FHDC1: variants seen among roughly 807,000 people sequenced by gnomAD.
The protein encoded by FHDC1 is FH2 domain containing 1, also known as FH2 domain-containing protein 1.
A neutral mutation model predicts 52.6 loss-of-function variants in FHDC1; 25 were observed. The observed-to-expected ratio is 0.48, with a 90% CI of 0.35 to 0.66. The LOEUF (loss-of-function observed/expected upper bound fraction) is 0.66. FHDC1 is among the 30% of genes least tolerant of loss of function. The pLI is 0.01. For synonymous variants in FHDC1, 616 were observed against 581.5 expected, an observed-to-expected ratio of 1.06 and a Z score of -0.85; for missense variants, 1,459 against 1,452.8, an observed-to-expected ratio of 1.00 and a Z score of -0.07.
At chr4:152,929,509 G>A in the FHDC1 span, among the ~76,000 whole-genome samples, 199 of 152,328 alleles carry the variant, frequency 1.3e-3, no homozygotes, top group African/African-American at 4.3e-3. This position sits in a 1 kb window ranked among gnomAD's most constrained non-coding sequence, Gnocchi z 4.1. Flanking sequence ...CAACGACGCA[G>A]TTTCCAGCTT....
At chr4:152,957,149 G>A (rs1283475219) in intron 4 of FHDC1, among the ~76,000 whole-genome samples, 1 of 152,176 alleles carries the variant, frequency 6.6e-6, no homozygotes, top group African/African-American at 2.4e-5. Context: ...GCAGAAATAT[G>A]CTAATAAATT....
Position 152,978,030 on chromosome 4 carries a change from G to A in FHDC1, c.*1307G>A, listed in dbSNP as rs1740954014. 1 of 152,242 alleles carries A rather than the reference G, an allele frequency of 6.6e-6. No individual in the cohort carries two copies. Among genetic ancestry groups the A allele is most frequent in the Non-Finnish European group, 1.5e-5 (1 of 68,048 alleles). The allele number at this position is 152,242 out of a possible 1,614,324, so 9.4% of individuals were successfully genotyped here. A position where few individuals can be genotyped will look rare whatever the true frequency, so the allele number is the denominator to read the frequency against. On this transcript the variant is annotated 3_prime_UTR_variant, in exon 12 of 12. Transcript: ENST00000511601. ...GCGCGCATTGTGAGCAGTGGAGTATGAGCCTTGAGGGCCTCATGGTTGCAG... is the reference window on the plus strand; with the variant it reads ...GCGCGCATTGTGAGCAGTGGAGTATAAGCCTTGAGGGCCTCATGGTTGCAG...
chr4:152,941,801 A>T (rs62320604), intron 1 of FHDC1, among the ~76,000 whole-genome samples: 7,371 of 152,232 alleles, frequency 0.048, 228 homozygotes, highest in South Asian at 0.11. Flanking sequence ...TGTAAAAAGA[A>T]AATTACACCC....
chr4:152,973,852 T>A (rs116676231), intron 11 of FHDC1, among the ~76,000 whole-genome samples: 1 of 152,256 alleles, frequency 6.6e-6, no homozygotes, highest in Non-Finnish European at 1.5e-5. Context: ...TGCTTTGGTA[T>A]GTGAGCTTGC....
At chr4:152,920,853 T>A in the FHDC1 span, among the ~76,000 whole-genome samples, 179 of 147,914 alleles carry the variant, frequency 1.2e-3, no homozygotes, top group African/African-American at 3.3e-3. Context: ...AGTGTCTTTT[T>A]AAAAAAAAAA....
intron 2 of FHDC1, among the ~76,000 whole-genome samples, chr4:152,946,171 A>G (rs1010328564): frequency 3.3e-5 from 5 of 152,360 alleles, no homozygotes; most frequent in African/African-American, 9.6e-5. Flanking sequence ...TTTGTGAATA[A>G]TGCCGCTGTG....
In FHDC1 at chr4:152,976,051, A is replaced by T; in HGVS notation, c.2760A>T (p.Pro920=). ...GCAGAGGCGCCGGCTGGAGGCGACC[A>T]GAGCTGTCATCCCGGGGGCCCTCCC... ...KSSRGAGWRR[P]ELSSRGPSQN... Residue 920 remains proline, a synonymous_variant, in exon 12 of 12, where the codon CCA becomes CCT. Coordinates refer to ENST00000511601, the MANE Select transcript of FHDC1 (RefSeq NM_001371116.1). 1.9e-6 allele frequency: 3 copies of T among 1,589,014 alleles called. No individual in the cohort carries two copies. Among genetic ancestry groups the T allele is most frequent in the Non-Finnish European group, 2.6e-6 (3 of 1,169,984 alleles).
Position 152,943,154 on chromosome 4 carries a change from GCACCTCCTC to G in FHDC1, c.108_116del (p.Pro41_Pro43del), listed in dbSNP as rs753292740. On this transcript the variant is annotated inframe_deletion, in exon 2 of 12. Transcript: ENST00000511601. ...CATGATTGGGCAGACACCTCCTCCA[GCACCTCCTC>G]CACCTCCTCCTCCACCCCCTCCATC... 342 of 1,613,678 alleles carry G rather than the reference GCACCTCCTC, an allele frequency of 2.1e-4. 1 individual carries two copies. The highest frequency in any genetic ancestry group is 1.7e-4 in the Non-Finnish European group (199 of 1,179,952).
At chr4:152,937,482 G>A (rs1351252718) in intron 1 of FHDC1, among the ~76,000 whole-genome samples, 1 of 152,028 alleles carries the variant, frequency 6.6e-6, no homozygotes, top group Non-Finnish European at 1.5e-5. Context: ...CTCGGGGAGG[G>A]GGGCGGGGCC....
chr4:152,914,237 CTATG>C, the FHDC1 span, among the ~76,000 whole-genome samples: 1 of 152,130 alleles, frequency 6.6e-6, no homozygotes, highest in Non-Finnish European at 1.5e-5. Flanking sequence ...AAATTCAGTT[CTATG>C]TTCCCACTTG....
chr4:152,925,713 C>CT, the FHDC1 span, among the ~76,000 whole-genome samples: 19,570 of 143,064 alleles, frequency 0.14, 1,317 homozygotes, highest in Middle Eastern at 0.2. Flanking sequence ...GTGCATCCTC[C>CT]TTTTTTTTTT....
At chr4:152,954,783 G>A (rs1740033932) in intron 4 of FHDC1, among the ~76,000 whole-genome samples, 1 of 152,150 alleles carries the variant, frequency 6.6e-6, no homozygotes, top group Admixed American at 6.5e-5. Context: ...AAAGTAAAAA[G>A]TGACCTGGTA....
intron 10 of FHDC1, among the ~76,000 whole-genome samples, chr4:152,969,298 G>A (rs1303703008): frequency 2.6e-5 from 4 of 152,094 alleles, no homozygotes; most frequent in East Asian, 1.9e-4. Context: ...GGCCTTCGGC[G>A]GATGCTTGAT....
the FHDC1 span, among the ~76,000 whole-genome samples, chr4:152,925,730 C>G: frequency 6.9e-6 from 1 of 144,142 alleles, no homozygotes; most frequent in Non-Finnish European, 1.5e-5. Context: ...TTTTTTTTAA[C>G]AAAGACATTT....
chr4:152,964,182 T>C (rs1740383407), intron 8 of FHDC1, among the ~76,000 whole-genome samples: 1 of 152,162 alleles, frequency 6.6e-6, no homozygotes, highest in Non-Finnish European at 1.5e-5. Flanking sequence ...ATAAAGTGCT[T>C]ATCTCAATGT....
At chr4:152,928,268 C>A in the FHDC1 span, 1 of 639,550 alleles carries the variant, frequency 1.6e-6, no homozygotes, top group South Asian at 1.8e-5. Context: ...ATTCACGCTG[C>A]CTTACAGGCA....
In FHDC1 at chr4:152,976,319, C is replaced by T. The variant is rs1035536016; in HGVS notation, c.3028C>T (p.Pro1010Ser). 7.4e-6 allele frequency: 12 copies of T among 1,613,624 alleles called. No homozygotes were observed. Among genetic ancestry groups the T allele is most frequent in the African/African-American group, 2.7e-5 (2 of 75,020 alleles). ...GACCTGCCGCGCCCACTCCGAGGGC[C>T]CTGAGAGTCCCAAAGAAGAGCCCAA... ...NKTCRAHSEG[P>S]ESPKEEPKTP... Residue 1010 changes from proline to serine, a missense_variant, in exon 12 of 12, where the codon CCT becomes TCT. Around this residue, in one of 3 missense-constraint regions of FHDC1, gnomAD observed 939 missense variants for 854.5 expected, o/e 1.10. Coordinates refer to ENST00000511601, the MANE Select transcript of FHDC1 (RefSeq NM_001371116.1).
the FHDC1 span, among the ~76,000 whole-genome samples, chr4:152,917,692 AAT>A: frequency 2.0e-5 from 3 of 152,328 alleles, no homozygotes; most frequent in African/African-American, 7.2e-5. Context: ...AGAAAAAAAA[AAT>A]GTAAGTTTAA....
At chr4:152,920,080 G>A in the FHDC1 span, among the ~76,000 whole-genome samples, 1 of 150,852 alleles carries the variant, frequency 6.6e-6, no homozygotes, top group Non-Finnish European at 1.5e-5. Flanking sequence ...CCAAGTAGCT[G>A]GGATTACAAG....
Sources: allele counts gnomAD v4.1 joint callset (sites outside exome capture counted in the v4.1 genomes callset), GRCh38; gene constraint gnomAD v4.1.1; regional missense constraint gnomAD v4.1.1; non-coding constraint Gnocchi (gnomAD v3.1); transcripts MANE v1.5; gene names NCBI Gene and HGNC (gene_info 2026-07-23, HGNC 2026-07-21).